Variants in RBFOX2 observed in about 807,000 individuals in gnomAD.
RBFOX2 encodes the protein RNA binding protein fox-1 homolog 2.
Under a neutral mutation model 49.1 loss-of-function variants are expected in RBFOX2, and 10 were observed. The observed-to-expected ratio is 0.20, with a 90% CI of 0.13 to 0.35. The LOEUF is 0.35. Among genes scored for constraint, RBFOX2 ranks in the 10% least tolerant of loss-of-function variants. The pLI is 1.00. For synonymous variants in RBFOX2, 183 were observed against 187.4 expected (o/e 0.98, Z 0.19); for missense variants, 323 against 486.9 (o/e 0.66, Z 3.17).
intron 1 of RBFOX2, among the ~76,000 whole-genome samples, chr22:35,857,853 G>A (rs554046775): frequency 6.6e-6 from 1 of 152,278 alleles, no homozygotes; most frequent in Admixed American, 6.5e-5. Context: ...AAAAGATTAA[G>A]CATAATCGTG....
At chr22:35,965,063 C>T (rs1315173393), upstream of RBFOX2, among the ~76,000 whole-genome samples, 3 of 152,106 alleles carry the variant, frequency 2.0e-5, no homozygotes, top group African/African-American at 4.8e-5. Context: ...TAGAGCTATG[C>T]GTGGTATTCA....
chr22:36,014,227 T>C (rs1183826541), intron 1 of RBFOX2, among the ~76,000 whole-genome samples: 2 of 151,944 alleles, frequency 1.3e-5, no homozygotes, highest in Non-Finnish European at 2.9e-5. Flanking sequence ...GTTCACGCCA[T>C]TCTCCTGCCT....
upstream of RBFOX2, among the ~76,000 whole-genome samples, chr22:35,941,818 T>C (rs1161474880): frequency 2.0e-5 from 3 of 152,226 alleles, no homozygotes; most frequent in African/African-American, 7.2e-5. Flanking sequence ...TGCACAGAGA[T>C]GTGTCAGAGG....
chr22:35,985,004 G>A (rs529367411), intron 1 of RBFOX2, among the ~76,000 whole-genome samples: 10 of 152,266 alleles, frequency 6.6e-5, no homozygotes, highest in Non-Finnish European at 1.3e-4. Context: ...CAGTAAACAA[G>A]GAGACAAATT....
intron 1 of RBFOX2, among the ~76,000 whole-genome samples, chr22:35,898,986 C>T (rs894920234): frequency 7.2e-5 from 11 of 151,824 alleles, no homozygotes; most frequent in Admixed American, 2.0e-4. Flanking sequence ...GGCATGGTGG[C>T]GCATGCCTGT....
chr22:36,013,636 C>A (rs918242090), intron 1 of RBFOX2, among the ~76,000 whole-genome samples: 1 of 148,252 alleles, frequency 6.7e-6, no homozygotes, highest in Non-Finnish European at 1.5e-5. Flanking sequence ...AACACACACA[C>A]ACACACACAC....
chr22:35,744,257 A>T lies in RBFOX2; in HGVS notation c.1050-8T>A, dbSNP rs1365948850. The T allele has an allele frequency of 6.2e-7, 1 of 1,608,114 alleles. No homozygotes were observed. Among genetic ancestry groups the T allele is most frequent in the Non-Finnish European group, 8.5e-7 (1 of 1,177,028 alleles). On this transcript the variant is annotated splice_polypyrimidine_tract_variant and splice_region_variant and intron_variant, in intron 11 of 11. Coordinates refer to ENST00000405409, the Ensembl canonical transcript of RBFOX2. ...ACCTCGGTATAAACTCGCCTGCAGTAATTAAAGAGATAAAAATAATTAAAA... is the reference window on the plus strand; with the variant it reads ...ACCTCGGTATAAACTCGCCTGCAGTTATTAAAGAGATAAAAATAATTAAAA...
intron 1 of RBFOX2, among the ~76,000 whole-genome samples, chr22:35,817,477 AAAATAAATAAAT>A (rs35010904): frequency 1.3e-4 from 19 of 149,512 alleles, no homozygotes; most frequent in South Asian, 4.3e-4. Flanking sequence ...ACTTTGTCTC[AAAATAAATAAAT>A]AAATAAATAA....
At chr22:35,982,848 A>G (rs1328966227) in intron 1 of RBFOX2, among the ~76,000 whole-genome samples, 2 of 152,038 alleles carry the variant, frequency 1.3e-5, no homozygotes, top group East Asian at 3.8e-4. Context: ...CCCAAAAGCA[A>G]AACAGCAACA....
intron 4 of RBFOX2, among the ~76,000 whole-genome samples, chr22:35,774,387 T>A (rs1043598698): frequency 2.6e-5 from 4 of 152,142 alleles, no homozygotes; most frequent in Non-Finnish European, 5.9e-5. Flanking sequence ...AATAAATTAG[T>A]TAATTTTTTG....
intron 9 of RBFOX2, chr22:35,750,432 G>C (rs776918234): frequency 6.2e-7 from 1 of 1,602,506 alleles, no homozygotes; most frequent in Non-Finnish European, 8.5e-7. Flanking sequence ...AGACCTGTTT[G>C]ATCTGAAGCA....
intron 1 of RBFOX2, among the ~76,000 whole-genome samples, chr22:35,972,926 G>A (rs1569515923): frequency 1.3e-5 from 2 of 151,776 alleles, no homozygotes; most frequent in Admixed American, 6.6e-5. Context: ...ACCAAGACCT[G>A]CAGAATTAAA....
chr22:35,888,604 G>T (rs2046883661), intron 1 of RBFOX2, among the ~76,000 whole-genome samples: 2 of 152,164 alleles, frequency 1.3e-5, no homozygotes, highest in South Asian at 2.1e-4. Flanking sequence ...TCTGGTGAGG[G>T]TCTCTGGCTG....
exon 12 of RBFOX2, chr22:35,739,624 T>C (rs2145597123): frequency 2.0e-5 from 3 of 152,732 alleles, no homozygotes; most frequent in Middle Eastern, 6.8e-3. Context: ...GTATGGACAT[T>C]GCTTAAAGCA....
chr22:35,922,404 C>T (rs892934090), intron 1 of RBFOX2, among the ~76,000 whole-genome samples: 2 of 151,536 alleles, frequency 1.3e-5, no homozygotes, highest in African/African-American at 4.9e-5. Context: ...CATAGTGAAA[C>T]CCCATCTCTA....
intron 1 of RBFOX2, among the ~76,000 whole-genome samples, chr22:35,933,665 T>C (rs993793583): frequency 1.3e-5 from 2 of 152,140 alleles, no homozygotes; most frequent in Non-Finnish European, 2.9e-5. Context: ...AAGTAAGTCT[T>C]CCCTGTGGTT....
chr22:35,945,207 G>C (rs1288045641), intron 1 of RBFOX2, among the ~76,000 whole-genome samples: 1 of 152,084 alleles, frequency 6.6e-6, no homozygotes, highest in Non-Finnish European at 1.5e-5. Flanking sequence ...ACATCACCTT[G>C]CATGTATCTA....
At chr22:35,776,016 T>C (rs1008469274) in intron 4 of RBFOX2, among the ~76,000 whole-genome samples, 6 of 152,152 alleles carry the variant, frequency 3.9e-5, no homozygotes, top group East Asian at 1.9e-4. Flanking sequence ...TGAAACTACA[T>C]TGGCCTTCTA....
At chr22:35,906,287 G>A (rs1603444944) in intron 1 of RBFOX2, among the ~76,000 whole-genome samples, 1 of 152,218 alleles carries the variant, frequency 6.6e-6, no homozygotes, top group East Asian at 1.9e-4. Context: ...AGACAGGAAT[G>A]GGAGAGCAAC....
Sources: gnomAD v4.1 joint callset for allele counts (sites outside exome capture counted in the v4.1 genomes callset) on GRCh38, gnomAD v4.1.1 for gene constraint, MANE v1.5 for transcripts, NCBI Gene and HGNC (gene_info 2026-07-23, HGNC 2026-07-21) for gene names.